SGIP1: variants seen among roughly 807,000 people sequenced by gnomAD.
The protein encoded by SGIP1 is SH3GL interacting endocytic adaptor 1, also known as SH3-containing GRB2-like protein 3-interacting protein 1.
In SGIP1, 38 loss-of-function variants were observed where a neutral mutation model predicts 107.5. That is an observed-to-expected ratio of 0.35 (90% confidence interval 0.27 to 0.46). SGIP1 has a LOEUF of 0.46. SGIP1 is among the 20% of genes least tolerant of loss of function. The pLI is 1.00. For synonymous variants in SGIP1, 365 were observed against 366.1 expected, an observed-to-expected ratio of 1.00 and a Z score of 0.03; for missense variants, 929 against 1,019.5, an observed-to-expected ratio of 0.91 and a Z score of 1.21.
At chr1:66,563,587 A>G (rs2059254840) in intron 1 of SGIP1, among the ~76,000 whole-genome samples, 1 of 152,016 alleles carries the variant, frequency 6.6e-6, no homozygotes, top group South Asian at 2.1e-4. Context: ...AGTGATTTAG[A>G]GTTCTCCAGC....
chr1:66,669,471 C>CT (rs1421623378), intron 9 of SGIP1, among the ~76,000 whole-genome samples: 11 of 152,188 alleles, frequency 7.2e-5, no homozygotes, highest in African/African-American at 2.7e-4. Context: ...CTGCTTGGAA[C>CT]TAAAGCCCCT....
intron 18 of SGIP1, among the ~76,000 whole-genome samples, chr1:66,696,123 A>G (rs1287226523): frequency 6.6e-6 from 1 of 152,214 alleles, no homozygotes; most frequent in Non-Finnish European, 1.5e-5. Context: ...AGGAAAATAT[A>G]CATAAATATA....
At chr1:66,722,309 C>T (rs2093577202) in intron 19 of SGIP1, among the ~76,000 whole-genome samples, 1 of 152,132 alleles carries the variant, frequency 6.6e-6, no homozygotes, top group African/African-American at 2.4e-5. Flanking sequence ...AAAATAACAA[C>T]ACCGCTCCCC....
intron 18 of SGIP1, among the ~76,000 whole-genome samples, chr1:66,718,636 A>G (rs1200384432): frequency 2.0e-5 from 3 of 152,126 alleles, no homozygotes; most frequent in East Asian, 3.9e-4. Flanking sequence ...TGCCTTGCCC[A>G]TGTCTGCATG....
chr1:66,537,422 T>G (rs2053881032), intron 1 of SGIP1, among the ~76,000 whole-genome samples: 1 of 152,160 alleles, frequency 6.6e-6, no homozygotes, highest in Non-Finnish European at 1.5e-5. Context: ...TTTGATATAT[T>G]ATTATTAAAG....
chr1:66,539,595 T>C (rs775862263), intron 1 of SGIP1, among the ~76,000 whole-genome samples: 1 of 152,216 alleles, frequency 6.6e-6, no homozygotes, highest in Non-Finnish European at 1.5e-5. Flanking sequence ...CCCTGCATGC[T>C]CTGGCCTGCT....
chr1:66,680,043 C>T (rs978677322), intron 14 of SGIP1, among the ~76,000 whole-genome samples: 21 of 152,266 alleles, frequency 1.4e-4, no homozygotes, highest in Admixed American at 1.3e-3. Flanking sequence ...TATGAAAATT[C>T]ATTGTTTAAT....
At chr1:66,709,738 T>C (rs568622529) in intron 18 of SGIP1, among the ~76,000 whole-genome samples, 10 of 152,292 alleles carry the variant, frequency 6.6e-5, no homozygotes, top group African/African-American at 2.4e-4. Context: ...AGCTTCAGTT[T>C]GTCAGCTGTA....
At chr1:66,647,296 T>C (rs918130110) in intron 7 of SGIP1, among the ~76,000 whole-genome samples, 1 of 152,122 alleles carries the variant, frequency 6.6e-6, no homozygotes, top group African/African-American at 2.4e-5. Context: ...AAAGAATAAA[T>C]AAAAAGCAAG....
At chr1:66,596,967 A>G (rs1458056685) in intron 1 of SGIP1, among the ~76,000 whole-genome samples, 1 of 152,008 alleles carries the variant, frequency 6.6e-6, no homozygotes, top group Non-Finnish European at 1.5e-5. Flanking sequence ...ATTTTGTAAT[A>G]TTTTTACTTT....
chr1:66,743,232 A>C lies in SGIP1; in HGVS notation c.*137A>C. The C allele has an allele frequency of 1.3e-6, 1 of 780,578 alleles. No homozygotes were observed. Among genetic ancestry groups the C allele is most frequent in the Non-Finnish European group, 2.1e-6 (1 of 476,016 alleles). The allele number at this position is 780,578 out of a possible 1,614,324, so 48.4% of individuals were successfully genotyped here. A position where few individuals can be genotyped will look rare whatever the true frequency, so the allele number is the denominator to read the frequency against. On this transcript the variant is annotated 3_prime_UTR_variant, in exon 25 of 25. Transcript: ENST00000371037. ...ATCAGGTGGAAAGTCAATGACTTTCATCTGTGATTTCCCTCACACACTACC... is the reference window on the plus strand; with the variant it reads ...ATCAGGTGGAAAGTCAATGACTTTCCTCTGTGATTTCCCTCACACACTACC...
At chr1:66,631,667 TTCTCTCTCTCTCTTTCTCTCTC>T (rs967422411) in intron 2 of SGIP1, among the ~76,000 whole-genome samples, 28 of 95,360 alleles carry the variant, frequency 2.9e-4, no homozygotes, top group African/African-American at 1.0e-3. Flanking sequence ...CTCTCTCTCT[TTCTCTCTCTCTCTTTCTCTCTC>T]TCTCTCTCTC....
chr1:66,701,822 CCT>C (rs1442362829), intron 18 of SGIP1, among the ~76,000 whole-genome samples: 7 of 152,252 alleles, frequency 4.6e-5, no homozygotes, highest in Non-Finnish European at 7.4e-5. Context: ...CAAAGTGTCC[CCT>C]GTTTCTGGCC....
At chr1:66,637,865 A>G (rs2076098996) in intron 4 of SGIP1, among the ~76,000 whole-genome samples, 1 of 150,732 alleles carries the variant, frequency 6.6e-6, no homozygotes. Flanking sequence ...ACACACATAC[A>G]TACACACAAA....
intron 19 of SGIP1, among the ~76,000 whole-genome samples, chr1:66,721,770 C>T (rs2093548331): frequency 6.6e-6 from 1 of 152,040 alleles, no homozygotes; most frequent in Non-Finnish European, 1.5e-5. Flanking sequence ...GAGTGAAAAC[C>T]GCTGGGGATC....
In SGIP1 at chr1:66,689,258, C is replaced by G. The variant is rs780896579; in HGVS notation, c.1426C>G (p.Pro476Ala). 6.2e-7 allele frequency: 1 copy of G among 1,613,474 alleles called. No homozygotes were observed. Among genetic ancestry groups the G allele is most frequent in the Non-Finnish European group, 8.5e-7 (1 of 1,179,688 alleles). The change falls in exon 16 of 25, where the codon CCT becomes GCT. Residue 476 changes from proline (P) to alanine (A), a missense_variant. Pro to Ala is a conservative substitution (Grantham distance 27). Transcript: ENST00000371037. ...PSRPKLPPGKPGVGDVSRPFS... is the reference protein window; with the variant it reads ...PSRPKLPPGKAGVGDVSRPFS... ...CCGGCCAAAGCTACCTCCAGGAAAACCTGGAGTTGGAGATGTGGTATGTTC... is the reference window on the plus strand; with the variant it reads ...CCGGCCAAAGCTACCTCCAGGAAAAGCTGGAGTTGGAGATGTGGTATGTTC...
chr1:66,583,821 G>A (rs141965111), intron 1 of SGIP1, among the ~76,000 whole-genome samples: 56 of 152,214 alleles, frequency 3.7e-4, no homozygotes, highest in African/African-American at 1.2e-3. Flanking sequence ...CTTTGATGCC[G>A]TCTCTCCTAG....
intron 24 of SGIP1, among the ~76,000 whole-genome samples, chr1:66,742,429 A>G (rs1483347265): frequency 7.0e-6 from 1 of 143,742 alleles, no homozygotes; most frequent in African/African-American, 2.6e-5. Context: ...AAATGATCCA[A>G]ATTGGAATAT....
chr1:66,652,843 G>C (rs1321192943), intron 7 of SGIP1, among the ~76,000 whole-genome samples: 1 of 152,150 alleles, frequency 6.6e-6, no homozygotes, highest in South Asian at 2.1e-4. Context: ...TGCAAGGAGA[G>C]GCTAAAGATT....
Sources: gnomAD v4.1 joint callset for allele counts (sites outside exome capture counted in the v4.1 genomes callset) on GRCh38, gnomAD v4.1.1 for gene constraint, MANE v1.5 for transcripts, NCBI Gene and HGNC (gene_info 2026-07-23, HGNC 2026-07-21) for gene names.